ARB2A: variants seen among roughly 807,000 people sequenced by gnomAD.
ARB2A encodes ARB2 cotranscriptional regulator A.
chr5:94,017,509 G>C, the ARB2A span, among the ~76,000 whole-genome samples: 1 of 152,190 alleles, frequency 6.6e-6, no homozygotes, highest in African/African-American at 2.4e-5. Context: ...TTACTGGAAT[G>C]GATATGGTAT....
the ARB2A span, among the ~76,000 whole-genome samples, chr5:93,700,401 T>C: frequency 2.0e-5 from 3 of 152,084 alleles, no homozygotes; most frequent in African/African-American, 7.2e-5. Context: ...GATTCAGGTA[T>C]ACATTTTAAA....
At chr5:93,643,981 T>C in the ARB2A span, among the ~76,000 whole-genome samples, 1 of 152,224 alleles carries the variant, frequency 6.6e-6, no homozygotes, top group East Asian at 1.9e-4. Context: ...TCAAAACAGG[T>C]AGTATTATCC....
At chr5:93,623,475 G>A in the ARB2A span, among the ~76,000 whole-genome samples, 2 of 152,232 alleles carry the variant, frequency 1.3e-5, no homozygotes, top group South Asian at 4.1e-4. Context: ...GGAGTCAACG[G>A]TCTGAAGCAA....
At chr5:93,769,543 G>C in the ARB2A span, among the ~76,000 whole-genome samples, 1 of 152,104 alleles carries the variant, frequency 6.6e-6, no homozygotes, top group Admixed American at 6.5e-5. Context: ...ATTAAGTCAG[G>C]CTGAAGAAGT....
the ARB2A span, among the ~76,000 whole-genome samples, chr5:93,815,581 C>T: frequency 1.3e-5 from 2 of 152,124 alleles, no homozygotes; most frequent in Non-Finnish European, 2.9e-5. Flanking sequence ...GATTTTTACG[C>T]CTATGATAAT....
At chr5:94,087,507 G>A in the ARB2A span, among the ~76,000 whole-genome samples, 1 of 152,114 alleles carries the variant, frequency 6.6e-6, no homozygotes, top group Admixed American at 6.6e-5. Flanking sequence ...TAGCCTAAGT[G>A]TACTGTAAAG....
the ARB2A span, among the ~76,000 whole-genome samples, chr5:93,866,598 G>A: frequency 6.6e-6 from 1 of 152,160 alleles, no homozygotes; most frequent in African/African-American, 2.4e-5. Flanking sequence ...TTGAAAAGTA[G>A]GCCATCTGTA....
the ARB2A span, among the ~76,000 whole-genome samples, chr5:93,885,665 A>T: frequency 2.6e-5 from 4 of 151,772 alleles, no homozygotes; most frequent in African/African-American, 9.6e-5. Context: ...TGGTAAAAGT[A>T]AGCTTTATAT....
At chr5:93,772,980 A>C in the ARB2A span, among the ~76,000 whole-genome samples, 21 of 152,228 alleles carry the variant, frequency 1.4e-4, no homozygotes, top group African/African-American at 4.8e-4. Context: ...CTAGGTGACA[A>C]CACCTTGTGT....
At chr5:94,081,937 T>G in the ARB2A span, among the ~76,000 whole-genome samples, 1 of 152,076 alleles carries the variant, frequency 6.6e-6, no homozygotes, top group Non-Finnish European at 1.5e-5. Context: ...AAGCAAGAAG[T>G]AGACTTCAGG....
At chr5:93,817,743 C>T in the ARB2A span, among the ~76,000 whole-genome samples, 188 of 152,216 alleles carry the variant, frequency 1.2e-3, no homozygotes, top group African/African-American at 4.3e-3. Context: ...ATAAGTGGTG[C>T]TGGGATTAAC....
At chr5:94,004,649 G>C in the ARB2A span, among the ~76,000 whole-genome samples, 1 of 151,752 alleles carries the variant, frequency 6.6e-6, no homozygotes, top group African/African-American at 2.4e-5. Flanking sequence ...ACAAGTTATA[G>C]GCTGGGAGAA....
At chr5:93,812,599 T>G in the ARB2A span, among the ~76,000 whole-genome samples, 1 of 152,116 alleles carries the variant, frequency 6.6e-6, no homozygotes, top group African/African-American at 2.4e-5. Flanking sequence ...GTCTGGTGAA[T>G]GCAGTATGGA....
the ARB2A span, among the ~76,000 whole-genome samples, chr5:93,984,485 A>G: frequency 2.0e-5 from 3 of 152,326 alleles, no homozygotes; most frequent in African/African-American, 7.2e-5. Flanking sequence ...GTTGTTTGTC[A>G]AAATCAAGAC....
chr5:93,703,621 T>G, the ARB2A span, among the ~76,000 whole-genome samples: 236 of 152,278 alleles, frequency 1.5e-3, 1 homozygote, highest in African/African-American at 5.4e-3. Context: ...TAAAACTATT[T>G]CAAAGAACTG....
chr5:93,746,025 G>C, the ARB2A span, among the ~76,000 whole-genome samples: 1 of 152,166 alleles, frequency 6.6e-6, no homozygotes. Context: ...AGTACTTTAA[G>C]GAATGATGCC....
At chr5:93,885,724 C>T in the ARB2A span, among the ~76,000 whole-genome samples, 2 of 151,564 alleles carry the variant, frequency 1.3e-5, no homozygotes, top group Non-Finnish European at 3.0e-5. Context: ...TATAATTCTA[C>T]TTTCATTTTC....
the ARB2A span, among the ~76,000 whole-genome samples, chr5:93,961,149 CTA>C: frequency 6.6e-6 from 1 of 152,112 alleles, no homozygotes; most frequent in Non-Finnish European, 1.5e-5. Flanking sequence ...TTACCAAACA[CTA>C]TGTCTAAACA....
chr5:93,825,109 T>C, the ARB2A span, among the ~76,000 whole-genome samples: 1 of 152,226 alleles, frequency 6.6e-6, no homozygotes, highest in Non-Finnish European at 1.5e-5. Context: ...TTGATCCAAA[T>C]TGTTAAAAAT....
Sources: gnomAD v4.1 joint callset for allele counts (sites outside exome capture counted in the v4.1 genomes callset) on GRCh38, gnomAD v4.1.1 for gene constraint, MANE v1.5 for transcripts, NCBI Gene and HGNC (gene_info 2026-07-23, HGNC 2026-07-21) for gene names.